The following GNPTG variants were observed in gnomAD, a reference collection of about 807,000 sequenced individuals.
GNPTG encodes N-acetylglucosamine-1-phosphate transferase subunit gamma.
A neutral mutation model predicts 43.8 loss-of-function variants in GNPTG; 46 were observed. The ratio of observed to expected loss-of-function variants is 1.05; its 90% CI spans 0.83 to 1.34. GNPTG has a LOEUF of 1.34. GNPTG is among the 40% of genes most tolerant of loss of function. The pLI is 0.00. For synonymous variants in GNPTG, 250 were observed against 172.8 expected (o/e 1.45, Z -3.50); for missense variants, 549 against 411.3 (o/e 1.33, Z -2.90).
At chr16:1,352,950 T>C (rs1440055283) in intron 3 of GNPTG, among the ~76,000 whole-genome samples, 1 of 147,598 alleles carries the variant, frequency 6.8e-6, no homozygotes, top group Non-Finnish European at 1.5e-5. Context: ...TTAAATATAA[T>C]AGACAAAAAT....
chr16:1,354,604 A>G (rs1215847091), intron 3 of GNPTG, among the ~76,000 whole-genome samples: 1 of 150,180 alleles, frequency 6.7e-6, no homozygotes, highest in Middle Eastern at 3.4e-3. Context: ...AAAAAAAAAA[A>G]AAAAACCCAT....
intron 3 of GNPTG, among the ~76,000 whole-genome samples, chr16:1,356,099 T>C (rs576543375): frequency 1.3e-5 from 2 of 151,826 alleles, no homozygotes; most frequent in East Asian, 1.9e-4. Context: ...TGAGAAGGGA[T>C]TGTCACCAAG....
At chr16:1,354,614 T>TA (rs1236794326) in intron 3 of GNPTG, among the ~76,000 whole-genome samples, 3 of 97,434 alleles carry the variant, frequency 3.1e-5, no homozygotes, top group African/African-American at 1.1e-4. Context: ...AAAAAACCCA[T>TA]AAAAATTTAG....
Position 1,362,044 on chromosome 16 carries a change from G to C in GNPTG, c.324G>C (p.Trp108Cys). The change falls in exon 6 of 11, where the codon TGG becomes TGC. Residue 108 changes from tryptophan to cysteine, a missense_variant. Physicochemically the swap from Trp to Cys is radical, Grantham distance 215. Transcript: ENST00000204679. ...CGTGCCCGTGTCTCCCCAGCATCTGGCACGAGTGGGAGATCGCCAACAACA... is the reference window on the plus strand; with the variant it reads ...CGTGCCCGTGTCTCCCCAGCATCTGCCACGAGTGGGAGATCGCCAACAACA... ...WNAYSGILGI[W>C]HEWEIANNTF... 3 of 1,612,760 alleles carry C rather than the reference G, an allele frequency of 1.9e-6. No individual in the cohort carries two copies. In the South Asian group the frequency reaches 3.3e-5, roughly 18 times the overall value.
Position 1,362,910 on chromosome 16 carries a change from A to G in GNPTG, c.823+4A>G. On this transcript the variant is annotated splice_donor_region_variant and intron_variant, in intron 10 of 10. Transcript: ENST00000204679. ...ATCCCCTACACGAGGCCCACAGGTG[A>G]GTCACCTGTGGGGAGAGGGCCAGGC... 1 of 1,614,082 alleles carries G rather than the reference A, an allele frequency of 6.2e-7. No individual in the cohort carries two copies. The highest frequency in any genetic ancestry group is 8.5e-7 in the Non-Finnish European group (1 of 1,179,990).
At chr16:1,356,759 C>T (rs1467668656) in intron 3 of GNPTG, among the ~76,000 whole-genome samples, 8 of 152,352 alleles carry the variant, frequency 5.3e-5, no homozygotes, top group African/African-American at 1.9e-4. Context: ...GCGCCCACGC[C>T]CCTCCTGGGG....
intron 3 of GNPTG, among the ~76,000 whole-genome samples, chr16:1,360,223 A>G (rs1366060758): frequency 6.6e-6 from 1 of 152,200 alleles, no homozygotes; most frequent in Admixed American, 6.5e-5. Flanking sequence ...AATGTATAAC[A>G]TCTTTGTCTC....
chr16:1,356,927 G>A (rs1221359925), intron 3 of GNPTG, among the ~76,000 whole-genome samples: 4 of 146,702 alleles, frequency 2.7e-5, no homozygotes, highest in African/African-American at 5.3e-5. Flanking sequence ...GCGGGCGGGG[G>A]TCTGCGGGCG....
chr16:1,355,383 C>T (rs1351858257), intron 3 of GNPTG, among the ~76,000 whole-genome samples: 1 of 151,994 alleles, frequency 6.6e-6, no homozygotes, highest in Non-Finnish European at 1.5e-5. Context: ...AACTCAGGGG[C>T]GTGGTGATTG....
chr16:1,353,577 G>A (rs1168361117), intron 3 of GNPTG, among the ~76,000 whole-genome samples: 5 of 152,182 alleles, frequency 3.3e-5, no homozygotes, highest in Non-Finnish European at 7.3e-5. Context: ...GGGCTGGAGT[G>A]CAGTAGTGCA....
chr16:1,361,833 G>T (rs376636252), intron 4 of GNPTG, 36 bp downstream of exon 4: 1 of 1,613,478 alleles, frequency 6.2e-7, no homozygotes, highest in African/African-American at 1.3e-5. Context: ...GGGCTGGGGC[G>T]CAGCCTGCGG....
At chr16:1,352,532 G>C in intron 3 of GNPTG, 1 of 588,390 alleles carries the variant, frequency 1.7e-6, no homozygotes, top group Non-Finnish European at 3.0e-6. Flanking sequence ...GGTAACTGCT[G>C]TTAATAGTCT....
At position 1,361,771 on chromosome 16, in the gene GNPTG, C is replaced by T. The variant is rs1249578114; in HGVS notation, c.207C>T (p.Gly69=). 1.9e-6 allele frequency: 3 copies of T among 1,610,760 alleles called. No homozygotes were observed. The highest frequency in any genetic ancestry group is 2.2e-5 in the East Asian group (1 of 44,812). The part of the protein sequence containing the change: ...SGPVHLFRLS[G]KCFSLVESTY... ...CCGTGCATCTCTTCCGACTCTCGGGCAAGTGCTTCAGCCTGGTGGAGTCCA... is the reference window on the plus strand; with the variant it reads ...CCGTGCATCTCTTCCGACTCTCGGGTAAGTGCTTCAGCCTGGTGGAGTCCA... Residue 69 remains glycine (G), a synonymous_variant, in exon 4 of 11, where the codon GGC becomes GGT. Transcript: ENST00000204679.
Position 1,362,499 on chromosome 16 carries a change from G to A in GNPTG, c.574G>A (p.Glu192Lys), listed in dbSNP as rs749314645. The change falls in exon 8 of 11, where the codon GAG (glutamate) becomes AAG (lysine). Residue 192 changes from glutamate (E) to lysine (K), a missense_variant. Transcript: ENST00000204679. Reference sequence around the variant, plus strand: ...CCTGCAGCGGCAGTGGGACCAGGTAGAGCAGGACCTGGCCGATGAGCTGAT... The same window carrying A: ...CCTGCAGCGGCAGTGGGACCAGGTAAAGCAGGACCTGGCCGATGAGCTGAT... Reference protein sequence around the residue: ...EALQRQWDQVEQDLADELITP... With the variant: ...EALQRQWDQVKQDLADELITP... 26 of 1,614,010 alleles carry A rather than the reference G, an allele frequency of 1.6e-5. No homozygotes were observed. The highest frequency in any genetic ancestry group is 2.0e-5 in the Non-Finnish European group (24 of 1,180,030).
chr16:1,356,937 G>A (rs572298593), intron 3 of GNPTG, among the ~76,000 whole-genome samples: 3 of 48,480 alleles, frequency 6.2e-5, no homozygotes, highest in African/African-American at 1.5e-4. Flanking sequence ...GTCTGCGGGC[G>A]GGAGTGTGCG....
At chr16:1,362,430 C>T (rs781679611) in intron 7 of GNPTG, 22 bp from the exon 8 acceptor site, 1 of 1,613,380 alleles carries the variant, frequency 6.2e-7, no homozygotes, top group Non-Finnish European at 8.5e-7. Flanking sequence ...GCAGCTGAGC[C>T]TGGCTTCTCT....
At chr16:1,362,803 G>C (rs1420026231) in intron 9 of GNPTG, 22 bp from the exon 10 acceptor site, 16 of 1,614,110 alleles carry the variant, frequency 9.9e-6, no homozygotes, top group Admixed American at 1.7e-5. Context: ...GCTTTCCCTT[G>C]AACTCTTTTT....
rs201064884 is a variant in GNPTG at position 1,352,177 on chromosome 16, C to T, written c.110+18C>T. ...GCGTTTGGGTGAGCAGCCTCGCGGG[C>T]TGGCGGCTCGAGCGGGGGACGGCCC... On this transcript the variant is annotated intron_variant, in intron 2 of 10. Coordinates refer to ENST00000204679, the MANE Select transcript of GNPTG (RefSeq NM_032520.5). 1.9e-5 allele frequency: 30 copies of T among 1,564,648 alleles called. No homozygotes were observed. In the Middle Eastern group the frequency reaches 5.6e-4, roughly 29 times the overall value.
chr16:1,357,270 C>T (rs2034794798), intron 3 of GNPTG, among the ~76,000 whole-genome samples: 1 of 152,164 alleles, frequency 6.6e-6, no homozygotes, highest in African/African-American at 2.4e-5. Context: ...ATCTTGGTCT[C>T]CATCTGTCTT....
Sources: allele counts gnomAD v4.1 joint callset (sites outside exome capture counted in the v4.1 genomes callset), GRCh38; gene constraint gnomAD v4.1.1; transcripts MANE v1.5; gene names NCBI Gene and HGNC (gene_info 2026-07-23, HGNC 2026-07-21).